The following KIF15 variants were observed in gnomAD, a reference collection of about 807,000 sequenced individuals.
The protein encoded by KIF15 is kinesin family member 15.
Under a neutral mutation model 190.6 loss-of-function variants are expected in KIF15, and 140 were observed. That is an observed-to-expected ratio of 0.73 (90% confidence interval 0.64 to 0.84). The LOEUF is 0.84. KIF15 is among the 40% of genes least tolerant of loss of function. The pLI, the probability that KIF15 is intolerant of heterozygous loss-of-function variation, is 0.00. For synonymous variants in KIF15, 528 were observed against 551.3 expected, an observed-to-expected ratio of 0.96 and a Z score of 0.59; for missense variants, 1,372 against 1,584.4, an observed-to-expected ratio of 0.87 and a Z score of 2.28.
intron 6 of KIF15, among the ~76,000 whole-genome samples, chr3:44,785,429 A>G (rs894804364): frequency 3.9e-5 from 6 of 152,160 alleles, no homozygotes; most frequent in Non-Finnish European, 7.3e-5. Context: ...TGTGCTCCAC[A>G]TGTGGTATGG....
At chr3:44,829,669 TAATA>T (rs2125696535) in intron 24 of KIF15, among the ~76,000 whole-genome samples, 2 of 132,154 alleles carry the variant, frequency 1.5e-5, no homozygotes, top group African/African-American at 5.7e-5. Context: ...TATGTATATA[TAATA>T]TATGTATATA....
Position 44,801,459 on chromosome 3 carries a change from A to C in KIF15, c.1232A>C (p.Lys411Thr), listed in dbSNP as rs1707275445. ...PESFLTRDKK[K>T]TNYMEYFQEA... ...ATTGGATCAATTACAGACAAAAAGA[A>C]GACTAACTATATGGAGTATTTCCAG... The change falls in exon 12 of 35, where the codon AAG becomes ACG. Residue 411 changes from lysine (K) to threonine (T), a missense_variant. Physicochemically the swap from Lys to Thr is moderately conservative, Grantham distance 78 (BLOSUM62 -1). Coordinates refer to ENST00000326047, the MANE Select transcript of KIF15 (RefSeq NM_020242.3). 2 of 1,557,710 alleles carry C rather than the reference A, an allele frequency of 1.3e-6. No homozygotes were observed. Among genetic ancestry groups the C allele is most frequent in the African/African-American group, 2.7e-5 (2 of 73,474 alleles).
At chr3:44,811,106 A>T in intron 17 of KIF15, 63 bp downstream of exon 17, 1 of 1,254,762 alleles carries the variant, frequency 8.0e-7, no homozygotes, top group Non-Finnish European at 1.1e-6. Flanking sequence ...TTGCTTTGTT[A>T]TTTTAATTCC....
At chr3:44,864,782 G>A (rs1699302643) in intron 6 of KIF15, among the ~76,000 whole-genome samples, 1 of 152,198 alleles carries the variant, frequency 6.6e-6, no homozygotes, top group Admixed American at 6.5e-5. Context: ...TGTACCTGCT[G>A]TGTCTACCTG....
rs371016493 is a variant in KIF15, at chr3:44,807,081, C to T, written c.1971+1095C>T. ...AATAAAAGAAAGAAATAGAGAAGAC[C>T]GAAAACCTTTCCTTATATGTCTTAG... On this transcript the variant is annotated intron_variant, in intron 16 of 34. Coordinates refer to ENST00000326047, the MANE Select transcript of KIF15 (RefSeq NM_020242.3). 1.6e-3 allele frequency among the ~76,000 whole-genome samples: 244 copies of T among 152,084 alleles called. 2 individuals are homozygous for T. Among genetic ancestry groups the T allele is most frequent in the African/African-American group, 4.9e-3 (205 of 41,474 alleles).
intron 30 of KIF15, among the ~76,000 whole-genome samples, chr3:44,844,856 G>A (rs1441191480): frequency 6.6e-6 from 1 of 152,192 alleles, no homozygotes; most frequent in African/African-American, 2.4e-5. Context: ...GATGGATGCA[G>A]CCGTAAATCA....
intron 5 of KIF15, among the ~76,000 whole-genome samples, chr3:44,782,590 C>T (rs989620852): frequency 6.6e-6 from 1 of 152,108 alleles, no homozygotes; most frequent in African/African-American, 2.4e-5. Context: ...AAATACACCT[C>T]TAGAAATTAT....
intron 6 of KIF15, chr3:44,864,909 A>C: frequency 8.6e-7 from 1 of 1,167,476 alleles, no homozygotes; most frequent in South Asian, 1.5e-5. Context: ...GGTGACAGCT[A>C]GGTTTCAAGC....
At position 44,813,142 on chromosome 3, in the gene KIF15, T is replaced by A; in HGVS notation, c.2345T>A (p.Leu782His). ...GAGCTTCTCTCACAGTTGAATGTCC[T>A]TGAAAAGCAGCTTCAAGAGACTCAA... Reference protein sequence around the residue: ...QEELLSQLNVLEKQLQETQTK... With the variant: ...QEELLSQLNVHEKQLQETQTK... The change falls in exon 19 of 35, where the codon CTT becomes CAT. Residue 782 changes from leucine (L) to histidine (H), a missense_variant. Leu to His is a moderately conservative substitution (Grantham distance 99). Coordinates refer to ENST00000326047, the MANE Select transcript of KIF15 (RefSeq NM_020242.3). 1 of 1,603,474 alleles carries A rather than the reference T, an allele frequency of 6.2e-7. No homozygotes were observed. The highest frequency in any genetic ancestry group is 8.5e-7 in the Non-Finnish European group (1 of 1,176,700).
intron 32 of KIF15, among the ~76,000 whole-genome samples, 195 bp from the exon 33 acceptor site, chr3:44,851,592 G>C (rs1030751111): frequency 4.6e-5 from 7 of 151,934 alleles, no homozygotes; most frequent in African/African-American, 1.7e-4. Flanking sequence ...GAAAGTCTTG[G>C]GTAAAACAAA....
chr3:44,828,545 C>G (rs1474541836), intron 24 of KIF15, among the ~76,000 whole-genome samples: 2 of 152,194 alleles, frequency 1.3e-5, no homozygotes, highest in South Asian at 2.1e-4. Context: ...AAAACGCATC[C>G]TACCCTTTTA....
At chr3:44,778,217 C>T (rs888115717) in intron 4 of KIF15, 26 bp downstream of exon 4, 8 of 1,521,430 alleles carry the variant, frequency 5.3e-6, no homozygotes, top group Admixed American at 1.7e-5. Flanking sequence ...TGTCCTTATA[C>T]ATAGTACATG....
intron 7 of KIF15, among the ~76,000 whole-genome samples, chr3:44,789,649 T>C (rs1190979140): frequency 2.0e-4 from 1 of 4,938 alleles, no homozygotes; most frequent in Non-Finnish European, 4.5e-4. Flanking sequence ...ATTTTATATA[T>C]ATATATATAT....
chr3:44,848,864 T>G (rs1017921089), intron 32 of KIF15, among the ~76,000 whole-genome samples: 4 of 152,212 alleles, frequency 2.6e-5, no homozygotes, highest in African/African-American at 9.6e-5. Flanking sequence ...CACTTCTGCT[T>G]CTGGTTTCCT....
chr3:44,837,795 C>G (rs184836047), intron 26 of KIF15, among the ~76,000 whole-genome samples: 2 of 152,304 alleles, frequency 1.3e-5, no homozygotes, highest in Admixed American at 6.5e-5. Context: ...AAAGCTACTT[C>G]CTGAAACTTT....
intron 3 of KIF15, among the ~76,000 whole-genome samples, 179 bp from the exon 4 acceptor site, chr3:44,777,936 G>A (rs532269067): frequency 1.5e-4 from 23 of 152,312 alleles, no homozygotes; most frequent in Non-Finnish European, 3.1e-4. Context: ...AGGTGTATAG[G>A]AGATTAATAG....
chr3:44,861,801 T>C (rs1399787594), intron 6 of KIF15: 8 of 1,149,860 alleles, frequency 7.0e-6, no homozygotes, highest in Non-Finnish European at 9.7e-6. Context: ...CGGAGAGCGA[T>C]TCCCAAGGGG....
intron 4 of KIF15, among the ~76,000 whole-genome samples, chr3:44,780,205 A>T (rs901673717): frequency 6.6e-5 from 10 of 151,558 alleles, no homozygotes; most frequent in Middle Eastern, 3.2e-3. Flanking sequence ...TTTCTACTTC[A>T]GCCTCCTCAG....
intron 19 of KIF15, among the ~76,000 whole-genome samples, chr3:44,813,699 G>A (rs1336751459): frequency 4.7e-5 from 7 of 149,700 alleles, no homozygotes; most frequent in African/African-American, 9.8e-5. Context: ...GGATCTCGGC[G>A]GCTCACTGCA....
Sources: allele counts gnomAD v4.1 joint callset (sites outside exome capture counted in the v4.1 genomes callset), GRCh38; gene constraint gnomAD v4.1.1; transcripts MANE v1.5; gene names NCBI Gene and HGNC (gene_info 2026-07-23, HGNC 2026-07-21).